The following WWOX variants were observed in gnomAD, a reference collection of about 807,000 sequenced individuals.
The protein encoded by WWOX is WW domain-containing oxidoreductase.
WWOX carries 69 observed loss-of-function variants against 46.2 expected under a neutral mutation model. The observed-to-expected ratio is 1.49, with a 90% CI of 1.23 to 1.82. The LOEUF (loss-of-function observed/expected upper bound fraction) is 1.82, where lower values mean the gene tolerates loss of function less well. Ranked by LOEUF, WWOX falls within the 40% of genes most tolerant of loss-of-function variation. WWOX has a pLI of 0.00. For synonymous variants in WWOX, 359 were observed against 202.6 expected (o/e 1.77, Z -6.56); for missense variants, 919 against 542.6 (o/e 1.69, Z -6.89).
chr16:78,604,687 CCCTCCCTCCTT>C (rs2045702693), intron 8 of WWOX, among the ~76,000 whole-genome samples: 2 of 16,172 alleles, frequency 1.2e-4, no homozygotes, highest in African/African-American at 5.2e-4. Flanking sequence ...CCTCCTTCCC[CCCTCCCTCCTT>C]CCCCCCTCCC....
chr16:78,285,820 A>G (rs1377968705), intron 5 of WWOX, among the ~76,000 whole-genome samples: 8 of 152,122 alleles, frequency 5.3e-5, no homozygotes, highest in Admixed American at 5.2e-4. Flanking sequence ...AATGTTCCTC[A>G]CCCACTGAGT....
At chr16:78,970,070 C>G (rs978100980) in intron 8 of WWOX, among the ~76,000 whole-genome samples, 9 of 152,240 alleles carry the variant, frequency 5.9e-5, no homozygotes, top group African/African-American at 1.9e-4. Context: ...TAGTCTAACG[C>G]TCAAATTTCC....
chr16:79,207,607 T>G (rs2051560596), intron 8 of WWOX, among the ~76,000 whole-genome samples: 2 of 152,364 alleles, frequency 1.3e-5, no homozygotes, highest in African/African-American at 4.8e-5. Context: ...CATGATATTG[T>G]GTCTATTTTT....
chr16:78,773,880 G>T (rs889408392), intron 8 of WWOX, among the ~76,000 whole-genome samples: 1 of 152,138 alleles, frequency 6.6e-6, no homozygotes, highest in South Asian at 2.1e-4. Flanking sequence ...GGCATCATTC[G>T]CATACTTGTA....
At chr16:78,653,894 G>A (rs960772148) in intron 8 of WWOX, among the ~76,000 whole-genome samples, 2 of 152,186 alleles carry the variant, frequency 1.3e-5, no homozygotes, top group African/African-American at 4.8e-5. Context: ...ACATGCAGCA[G>A]GACACATCTC....
rs527849798 is a variant in WWOX at position 78,182,091 on chromosome 16, G to A, written c.516+17802G>A. On this transcript the variant is annotated intron_variant, in intron 5 of 8. Transcript: ENST00000566780. ...CGCATCTGGAATTTAGCCTTCCCAA[G>A]TTCAAATCCGGTTTATGCCACTTGC... 1.1e-3 allele frequency among the ~76,000 whole-genome samples: 164 copies of A among 152,332 alleles called. 1 individual carries two copies. The highest frequency in any genetic ancestry group is 4.8e-3 in the South Asian group (23 of 4,828).
chr16:78,811,258 A>C (rs551821161), intron 8 of WWOX, among the ~76,000 whole-genome samples: 1 of 152,260 alleles, frequency 6.6e-6, no homozygotes, highest in East Asian at 1.9e-4. Context: ...TTATTCTGCA[A>C]TTGCTGAGTA....
At chr16:78,496,399 G>T (rs2084919737) in intron 8 of WWOX, 1 of 152,220 alleles carries the variant, frequency 6.6e-6, no homozygotes, top group African/African-American at 2.4e-5. Flanking sequence ...TTGTCGTGTT[G>T]ACCTTATTGG....
intron 8 of WWOX, among the ~76,000 whole-genome samples, chr16:78,484,423 G>GTA (rs1469212461): frequency 6.6e-6 from 1 of 152,086 alleles, no homozygotes; most frequent in African/African-American, 2.4e-5. Context: ...GATATACTCT[G>GTA]TAACTTGTTT....
chr16:78,765,273 G>A (rs1292450904), intron 8 of WWOX, among the ~76,000 whole-genome samples: 1 of 152,258 alleles, frequency 6.6e-6, no homozygotes, highest in African/African-American at 2.4e-5. Context: ...GAAGAGCCCA[G>A]TAGAGGATGG....
At chr16:78,865,987 C>T (rs2043994991) in intron 8 of WWOX, among the ~76,000 whole-genome samples, 2 of 152,198 alleles carry the variant, frequency 1.3e-5, no homozygotes, top group African/African-American at 4.8e-5. Context: ...TAGGTGATCA[C>T]ATACTACGCA....
chr16:79,187,748 G>A (rs565700510), intron 8 of WWOX, among the ~76,000 whole-genome samples: 1 of 152,154 alleles, frequency 6.6e-6, no homozygotes, highest in Non-Finnish European at 1.5e-5. Context: ...CACTATGTTG[G>A]CCAGGCTGGT....
rs142477168 is a variant in WWOX at position 78,315,738 on chromosome 16, A to G, written c.517-71122A>G. Among the ~76,000 whole-genome samples the G allele has an allele frequency of 4.7e-3, 714 of 152,302 alleles. 7 individuals are homozygous for G. Among genetic ancestry groups the G allele is most frequent in the South Asian group, 0.025 (123 of 4,830 alleles). Reference sequence around the variant, plus strand: ...CTAATGCCACTCAGCAGGTGCTTACACTGTCTGGTTCATCCTTACAATGAC... The same window carrying G: ...CTAATGCCACTCAGCAGGTGCTTACGCTGTCTGGTTCATCCTTACAATGAC... On this transcript the variant is annotated intron_variant, in intron 5 of 8. Transcript: ENST00000566780.
chr16:79,146,721 G>A (rs776949244), intron 8 of WWOX, among the ~76,000 whole-genome samples: 2 of 152,120 alleles, frequency 1.3e-5, no homozygotes, highest in Non-Finnish European at 1.5e-5. Flanking sequence ...TTGAGAATTA[G>A]GTGGTCAGAA....
chr16:78,113,130 G>T (rs948769453), intron 3 of WWOX, among the ~76,000 whole-genome samples: 2 of 152,154 alleles, frequency 1.3e-5, no homozygotes, highest in Non-Finnish European at 2.9e-5. Context: ...CAGTTCTCAG[G>T]CATGGTTCCT....
At chr16:78,705,643 G>A (rs571344344) in intron 8 of WWOX, among the ~76,000 whole-genome samples, 49 of 152,264 alleles carry the variant, frequency 3.2e-4, no homozygotes, top group Admixed American at 2.7e-3. Context: ...TGATGTTGTA[G>A]CTGTATGATC....
chr16:78,979,452 C>G (rs986470119), intron 8 of WWOX, among the ~76,000 whole-genome samples: 3 of 152,160 alleles, frequency 2.0e-5, no homozygotes, highest in African/African-American at 4.8e-5. Context: ...GCTCCCCCAT[C>G]GAGGTGCTCA....
chr16:78,729,584 G>A (rs983074509), intron 8 of WWOX, among the ~76,000 whole-genome samples: 6 of 152,020 alleles, frequency 3.9e-5, no homozygotes, highest in Non-Finnish European at 8.8e-5. Context: ...ATCAGGTGCT[G>A]GAAGAGATAC....
chr16:78,992,657 A>C (rs1470830278), intron 8 of WWOX, among the ~76,000 whole-genome samples: 3 of 152,146 alleles, frequency 2.0e-5, no homozygotes, highest in Non-Finnish European at 4.4e-5. Flanking sequence ...CTGTTGTGGA[A>C]GTTGGCCCAC....
Sources: allele counts gnomAD v4.1 joint callset (sites outside exome capture counted in the v4.1 genomes callset), GRCh38; gene constraint gnomAD v4.1.1; transcripts MANE v1.5; gene names NCBI Gene and HGNC (gene_info 2026-07-23, HGNC 2026-07-21).